The following ADGRL2 variants were observed in gnomAD, a reference collection of about 807,000 sequenced individuals.
ADGRL2 encodes adhesion G protein-coupled receptor L2.
A neutral mutation model predicts 157.4 loss-of-function variants in ADGRL2; 44 were observed. That is an observed-to-expected ratio of 0.28 (90% CI 0.22 to 0.36). The LOEUF (loss-of-function observed/expected upper bound fraction) is 0.36, where lower values mean the gene tolerates loss of function less well. Among genes scored for constraint, ADGRL2 ranks in the 10% least tolerant of loss-of-function variants. ADGRL2 has a pLI of 1.00. For missense variants in ADGRL2, 1,510 were observed against 1,768.9 expected (o/e 0.85, Z 2.63); for synonymous variants, 585 against 624.7 (o/e 0.94, Z 0.95).
At chr1:81,811,417 C>T (rs1394721367) in intron 1 of ADGRL2, among the ~76,000 whole-genome samples, 3 of 151,402 alleles carry the variant, frequency 2.0e-5, no homozygotes, top group African/African-American at 4.8e-5. Context: ...ATGTTGGAAC[C>T]GAGACATTTT....
chr1:81,939,334 G>A (rs892232338), intron 4 of ADGRL2, among the ~76,000 whole-genome samples: 3 of 151,478 alleles, frequency 2.0e-5, no homozygotes, highest in Admixed American at 1.3e-4. Flanking sequence ...ATTTATATTT[G>A]AAAGAAGTCA....
In ADGRL2 at chr1:81,387,833, C is replaced by A. The variant is rs79817083; in HGVS notation, c.-301-57203C>A. Among the ~76,000 whole-genome samples, 1,109 of 152,128 alleles carry A rather than the reference C, an allele frequency of 7.3e-3. 20 individuals carry two copies. Among genetic ancestry groups the A allele is most frequent in the South Asian group, 0.055 (266 of 4,818 alleles). On this transcript the variant is annotated intron_variant, in intron 1 of 24. Transcript: ENST00000370721. ...TCAGTCCTTTTCTCTTCCAGTAATA[C>A]CTCTGTCTAATCCTCTCTCAACTCT... is the stretch of plus-strand genomic sequence containing the variant.
chr1:81,373,617 T>A (rs2076197435), intron 1 of ADGRL2, among the ~76,000 whole-genome samples: 1 of 152,172 alleles, frequency 6.6e-6, no homozygotes, highest in African/African-American at 2.4e-5. Flanking sequence ...CTCACTTCTC[T>A]TGTAAAACAT....
chr1:81,676,476 T>A (rs927610254), intron 3 of ADGRL2, among the ~76,000 whole-genome samples: 16 of 152,010 alleles, frequency 1.1e-4, no homozygotes, highest in South Asian at 2.1e-4. Flanking sequence ...TTTTAAAAAA[T>A]TTTTTGTAGA....
chr1:81,552,620 A>AAC (rs1307286547), intron 2 of ADGRL2, among the ~76,000 whole-genome samples: 13 of 151,348 alleles, frequency 8.6e-5, no homozygotes, highest in East Asian at 1.9e-4. Context: ...AAAAAAAAAA[A>AAC]AAAACAGAAA....
chr1:81,370,028 T>C (rs910162767), intron 1 of ADGRL2, among the ~76,000 whole-genome samples: 7 of 152,044 alleles, frequency 4.6e-5, no homozygotes, highest in Non-Finnish European at 7.4e-5. Context: ...ACCAAAGAAG[T>C]TCCTCTCTGT....
intron 3 of ADGRL2, among the ~76,000 whole-genome samples, chr1:81,648,969 C>A (rs2082362520): frequency 6.6e-6 from 1 of 152,108 alleles, no homozygotes; most frequent in South Asian, 2.1e-4. Context: ...ACAGGGTTTG[C>A]CCAGACCAAG....
chr1:81,714,436 T>A (rs145096035), intron 1 of ADGRL2, among the ~76,000 whole-genome samples: 154 of 152,264 alleles, frequency 1.0e-3, no homozygotes, highest in Non-Finnish European at 1.6e-3. Flanking sequence ...TACTGACTAA[T>A]CATTTCACCT....
At chr1:81,673,069 T>C (rs1557554797) in intron 3 of ADGRL2, among the ~76,000 whole-genome samples, 1 of 152,248 alleles carries the variant, frequency 6.6e-6, no homozygotes, top group South Asian at 2.1e-4. Context: ...AAGTGACTTT[T>C]ATAATTTTCC....
At chr1:81,744,130 A>T (rs2085165728) in intron 1 of ADGRL2, among the ~76,000 whole-genome samples, 1 of 152,168 alleles carries the variant, frequency 6.6e-6, no homozygotes, top group East Asian at 1.9e-4. Context: ...AAATGAACTT[A>T]AATTCCTGAT....
chr1:81,664,820 T>C (rs914720539), intron 3 of ADGRL2, among the ~76,000 whole-genome samples: 2 of 152,186 alleles, frequency 1.3e-5, no homozygotes, highest in African/African-American at 2.4e-5. Context: ...AAATTAATCT[T>C]ATTTGGATAT....
chr1:81,636,887 G>A (rs2082125048), intron 3 of ADGRL2, among the ~76,000 whole-genome samples: 1 of 152,160 alleles, frequency 6.6e-6, no homozygotes, highest in Admixed American at 6.5e-5. Flanking sequence ...CCAGATGGGA[G>A]TGCAGTGGCG....
intron 3 of ADGRL2, among the ~76,000 whole-genome samples, chr1:81,609,696 A>G (rs2081502540): frequency 1.3e-5 from 2 of 152,214 alleles, no homozygotes; most frequent in Admixed American, 1.3e-4. Context: ...TTCCAGAAGA[A>G]GTATTCTGCC....
At chr1:81,923,736 T>C (rs2095042110) in intron 3 of ADGRL2, among the ~76,000 whole-genome samples, 1 of 152,164 alleles carries the variant, frequency 6.6e-6, no homozygotes, top group South Asian at 2.1e-4. Flanking sequence ...AATTGAGTAC[T>C]TCTTGCCATA....
chr1:81,638,499 C>T (rs567347890), intron 3 of ADGRL2, among the ~76,000 whole-genome samples: 7 of 151,770 alleles, frequency 4.6e-5, no homozygotes, highest in Admixed American at 1.3e-4. Flanking sequence ...TGTATAAGTG[C>T]GATAAATAAC....
intron 3 of ADGRL2, among the ~76,000 whole-genome samples, chr1:81,690,877 A>G (rs1188417289): frequency 6.6e-6 from 1 of 152,194 alleles, no homozygotes; most frequent in East Asian, 1.9e-4. Context: ...CCCGTTTGTA[A>G]TCTAAACCTT....
chr1:81,397,228 A>G (rs1385922617), intron 1 of ADGRL2, among the ~76,000 whole-genome samples: 1 of 150,702 alleles, frequency 6.6e-6, no homozygotes, highest in Non-Finnish European at 1.5e-5. Flanking sequence ...CATTTCCACT[A>G]GGTTCTCCAA....
intron 2 of ADGRL2, among the ~76,000 whole-genome samples, chr1:81,489,064 CCTGTCT>C (rs1237893183): frequency 2.0e-5 from 3 of 151,902 alleles, no homozygotes; most frequent in Non-Finnish European, 4.4e-5. Flanking sequence ...ATGGTGAAAC[CCTGTCT>C]CTACTAAAAA....
intron 3 of ADGRL2, among the ~76,000 whole-genome samples, chr1:81,672,897 T>A (rs1419018928): frequency 2.0e-5 from 3 of 152,230 alleles, no homozygotes; most frequent in African/African-American, 4.8e-5. Context: ...TGGAAATGTT[T>A]GAAAACATGT....
Sources: gnomAD v4.1 joint callset for allele counts (sites outside exome capture counted in the v4.1 genomes callset) on GRCh38, gnomAD v4.1.1 for gene constraint, MANE v1.5 for transcripts, NCBI Gene and HGNC (gene_info 2026-07-23, HGNC 2026-07-21) for gene names.